The following SLTM variants were observed in gnomAD, a reference collection of about 807,000 sequenced individuals.
SLTM encodes the protein SAFB-like transcription modulator.
SLTM carries 43 observed loss-of-function variants against 134.6 expected under a neutral mutation model. The ratio of observed to expected loss-of-function variants is 0.32; its 90% CI spans 0.25 to 0.41. SLTM has a LOEUF of 0.41. Among genes scored for constraint, SLTM ranks in the 10% least tolerant of loss-of-function variants. SLTM has a pLI of 1.00. For missense variants in SLTM, 1,055 were observed against 1,288.8 expected, an observed-to-expected ratio of 0.82 and a Z score of 2.78; for synonymous variants, 424 against 432.3, an observed-to-expected ratio of 0.98 and a Z score of 0.24.
At position 58,894,585 on chromosome 15, in the gene SLTM, A is replaced by G. The variant is rs374475869; in HGVS notation, c.1228-3T>C. 1.6e-4 allele frequency: 266 copies of G among 1,613,918 alleles called. 1 individual carries two copies. The highest frequency in any genetic ancestry group is 2.1e-4 in the Non-Finnish European group (253 of 1,179,936). ...GTAACTACTTTTGCACTCAGAACCT[A>G]TAAAATCAGACTGTACTTTAGAGAG... On this transcript the variant is annotated splice_polypyrimidine_tract_variant and splice_region_variant and intron_variant, in intron 9 of 20. Coordinates refer to ENST00000380516, the MANE Select transcript of SLTM (RefSeq NM_024755.4).
chr15:58,925,195 T>C (rs765016627), intron 2 of SLTM, among the ~76,000 whole-genome samples: 8 of 152,178 alleles, frequency 5.3e-5, no homozygotes, highest in Non-Finnish European at 1.0e-4. Flanking sequence ...ATGGAGTATC[T>C]TAATCACAGG....
Position 58,894,649 on chromosome 15 carries a change from G to A in SLTM, c.1228-67C>T, listed in dbSNP as rs181229515. On this transcript the variant is annotated intron_variant, in intron 9 of 20. Transcript: ENST00000380516. ...CAAGTACACAGACTTCTAAATACAT[G>A]AAACTTCACAACTGAAACTATATAT... The A allele has an allele frequency of 1.1e-3, 1,581 of 1,403,676 alleles. 8 individuals carry two copies. Among genetic ancestry groups the A allele is most frequent in the East Asian group, 4.7e-3 (202 of 42,898 alleles). The allele number at this position is 1,403,676 out of a possible 1,614,324, so 87.0% of individuals were successfully genotyped here. A position where few individuals can be genotyped will look rare whatever the true frequency, so the allele number is the denominator to read the frequency against.
At position 58,887,477 on chromosome 15, in the gene SLTM, A is replaced by C. The variant is rs372192748; in HGVS notation, c.2439T>G (p.Asp813Glu). The change falls in exon 18 of 21, where the codon GAT becomes GAG. Residue 813 changes from aspartate (D) to glutamate (E), a missense_variant. By Grantham distance (45) the Asp-to-Glu change is conservative (BLOSUM62 2). Around this residue, in one of 3 missense-constraint regions of SLTM, gnomAD observed 776 missense variants for 962.2 expected, o/e 0.81. Transcript: ENST00000380516. ...KKARPTARRE[D>E]PSFERYPKNF... ...TTTTGGGATATCTTTCGAAGCTTGG[A>C]TCTTCCCTTCGTGCAGTAGGTCGTG... is the stretch of plus-strand genomic sequence containing the variant. The C allele has an allele frequency of 4.3e-6, 7 of 1,613,916 alleles. No individual in the cohort carries two copies. The highest frequency in any genetic ancestry group is 5.1e-6 in the Non-Finnish European group (6 of 1,179,956).
intron 19 of SLTM, among the ~76,000 whole-genome samples, chr15:58,885,064 A>G (rs977856807): frequency 6.6e-6 from 1 of 152,270 alleles, no homozygotes; most frequent in Non-Finnish European, 1.5e-5. Context: ...AAGGCACGGC[A>G]GGGCCTATGA....
In SLTM at chr15:58,899,352, G is replaced by T; in HGVS notation, c.1058+117C>A. 1 of 801,262 alleles carries T rather than the reference G, an allele frequency of 1.2e-6. No individual in the cohort carries two copies. Among genetic ancestry groups the T allele is most frequent in the Non-Finnish European group, 2.0e-6 (1 of 501,152 alleles). The allele number at this position is 801,262 out of a possible 1,614,324, so 49.6% of individuals were successfully genotyped here. A position where few individuals can be genotyped will look rare whatever the true frequency, so the allele number is the denominator to read the frequency against. Reference sequence around the variant, plus strand: ...CTTATGACGGTCAAAAATATTATAGGCAGGATCATAAGACACTAATTACTG... The same window carrying T: ...CTTATGACGGTCAAAAATATTATAGTCAGGATCATAAGACACTAATTACTG... On this transcript the variant is annotated intron_variant, in intron 7 of 20. Coordinates refer to ENST00000380516, the MANE Select transcript of SLTM (RefSeq NM_024755.4). This position sits in a 1 kb window ranked among gnomAD's most constrained non-coding sequence, Gnocchi z 5.0.
intron 16 of SLTM, 195 bp downstream of exon 16, chr15:58,889,213 AAAACATTTGGCATCAGAAAGGT>A (rs1335072996): frequency 2.2e-6 from 1 of 464,858 alleles, no homozygotes; most frequent in African/African-American, 1.9e-5. Flanking sequence ...GTCATAATGA[AAAACATTTGGCATCAGAAAGGT>A]AGACAGGGAA....
chr15:58,906,689 C>T lies in SLTM; in HGVS notation c.562-5402G>A, dbSNP rs796765424. On this transcript the variant is annotated intron_variant, in intron 5 of 20. Transcript: ENST00000380516. ...TTTCAAAATAACTTTTAAACCACTA[C>T]TTACCTATCGGGGAATATGCTAAAC... Among the ~76,000 whole-genome samples the T allele has an allele frequency of 2.6e-5, 4 of 152,302 alleles. No individual in the cohort carries two copies. In the East Asian group the frequency reaches 5.8e-4, roughly 22 times the overall value.
In SLTM at chr15:58,894,471, G is replaced by A. The variant is rs778598301; in HGVS notation, c.1339C>T (p.Arg447Cys). 5 of 1,614,140 alleles carry A rather than the reference G, an allele frequency of 3.1e-6. No homozygotes were observed. The highest frequency in any genetic ancestry group is 1.1e-5 in the South Asian group (1 of 91,088). Residue 447 changes from arginine to cysteine, a missense_variant, in exon 10 of 21, where the codon CGC becomes TGC. By Grantham distance (180) the Arg-to-Cys change is radical. Around this residue, in one of 3 missense-constraint regions of SLTM, gnomAD observed 776 missense variants for 962.2 expected, o/e 0.81. Transcript: ENST00000380516. ...EVSRCIAHLH[R>C]TELHGQLISV... ...ATCAGCTGTCCATGCAGCTCAGTGC[G>A]ATGAAGATGTGCAATACACCTGGAC... is the stretch of plus-strand genomic sequence containing the variant.
chr15:58,883,411 C>G, intron 20 of SLTM: 2 of 583,926 alleles, frequency 3.4e-6, no homozygotes, highest in Non-Finnish European at 6.0e-6. Context: ...CAGAACGTCA[C>G]TGAATTCATT....
chr15:58,933,321 C>A, intron 1 of SLTM, 83 bp downstream of exon 1: 1 of 1,440,926 alleles, frequency 6.9e-7, no homozygotes, highest in Non-Finnish European at 9.2e-7. Flanking sequence ...CTGCGGGCAG[C>A]CGGAGGCTGC....
At chr15:58,882,005 T>G (rs1372444725) in intron 20 of SLTM, among the ~76,000 whole-genome samples, 8 of 151,530 alleles carry the variant, frequency 5.3e-5, no homozygotes, top group African/African-American at 1.9e-4. Flanking sequence ...GGTCAGGAGT[T>G]CAAGACCAGC....
chr15:58,929,433 A>G (rs1457060004), intron 2 of SLTM, among the ~76,000 whole-genome samples: 1 of 152,198 alleles, frequency 6.6e-6, no homozygotes, highest in African/African-American at 2.4e-5. Flanking sequence ...GGGTGACAAG[A>G]GCGAAACTCC....
At chr15:58,912,224 T>A (rs1357310606) in intron 5 of SLTM, among the ~76,000 whole-genome samples, 1 of 151,658 alleles carries the variant, frequency 6.6e-6, no homozygotes, top group Non-Finnish European at 1.5e-5. Flanking sequence ...CTCAGCCTCC[T>A]GAGTAGCTGT....
At position 58,894,416 on chromosome 15, in the gene SLTM, C is replaced by G; in HGVS notation, c.1377+17G>C. On this transcript the variant is annotated intron_variant, in intron 10 of 20. Coordinates refer to ENST00000380516, the MANE Select transcript of SLTM (RefSeq NM_024755.4). The stretch of plus-strand genomic sequence containing the variant: ...ATCAAATTAGACTTGCTTTGATAAA[C>G]AGTTAGGGAAGCTTACTTTTTCAAC... 6.2e-7 allele frequency: 1 copy of G among 1,613,878 alleles called. No individual in the cohort carries two copies. The highest frequency in any genetic ancestry group is 8.5e-7 in the Non-Finnish European group (1 of 1,179,830).
chr15:58,932,321 A>C, intron 2 of SLTM, 35 bp downstream of exon 2: 1 of 1,527,210 alleles, frequency 6.5e-7, no homozygotes, highest in Non-Finnish European at 9.1e-7. Context: ...TATAACCAAA[A>C]TATATTTTAA....
At chr15:58,910,952 G>T (rs2036228527) in intron 5 of SLTM, among the ~76,000 whole-genome samples, 1 of 151,700 alleles carries the variant, frequency 6.6e-6, no homozygotes, top group African/African-American at 2.4e-5. Context: ...CACCATATTG[G>T]CCAGGCTTGT....
chr15:58,884,015 C>T (rs557922984), intron 19 of SLTM, among the ~76,000 whole-genome samples: 15 of 151,714 alleles, frequency 9.9e-5, no homozygotes, highest in Admixed American at 5.9e-4. Flanking sequence ...AGGAGAATCA[C>T]TTGAACCCGG....
At chr15:58,926,969 T>G (rs1016381391) in intron 2 of SLTM, among the ~76,000 whole-genome samples, 2 of 152,224 alleles carry the variant, frequency 1.3e-5, no homozygotes, top group East Asian at 3.9e-4. Context: ...GAAAATGACA[T>G]ATACAACCTC....
intron 19 of SLTM, 52 bp from the exon 20 acceptor site, chr15:58,883,838 C>T (rs1184061411): frequency 3.1e-6 from 5 of 1,593,754 alleles, no homozygotes; most frequent in Middle Eastern, 1.7e-4. Context: ...TGGCTCATAC[C>T]TATAATCTCA....
Sources: allele counts gnomAD v4.1 joint callset (sites outside exome capture counted in the v4.1 genomes callset), GRCh38; gene constraint gnomAD v4.1.1; regional missense constraint gnomAD v4.1.1; non-coding constraint Gnocchi (gnomAD v3.1); transcripts MANE v1.5; gene names NCBI Gene and HGNC (gene_info 2026-07-23, HGNC 2026-07-21).